The following KIAA1217 variants were observed in gnomAD, a reference collection of about 807,000 sequenced individuals.
KIAA1217 encodes the protein KIAA1217.
KIAA1217 carries 88 observed loss-of-function variants against 163.9 expected under a neutral mutation model. That is an observed-to-expected ratio of 0.54 (90% CI 0.45 to 0.64). The LOEUF is 0.64. Among genes scored for constraint, KIAA1217 ranks in the 30% least tolerant of loss-of-function variants. KIAA1217 has a pLI of 0.00. For synonymous variants in KIAA1217, 903 were observed against 923.1 expected, an observed-to-expected ratio of 0.98 and a Z score of 0.39; for missense variants, 2,372 against 2,475.0, an observed-to-expected ratio of 0.96 and a Z score of 0.88.
chr10:24,068,564 C>T (rs79893607), intron 2 of KIAA1217, among the ~76,000 whole-genome samples: 1 of 152,128 alleles, frequency 6.6e-6, no homozygotes, highest in Admixed American at 6.5e-5. Context: ...GTAGAAAAAA[C>T]TACCACTTTG....
intron 3 of KIAA1217, among the ~76,000 whole-genome samples, chr10:24,420,796 T>C (rs1318024469): frequency 6.6e-6 from 1 of 152,208 alleles, no homozygotes; most frequent in Non-Finnish European, 1.5e-5. Context: ...TATGGGTTTG[T>C]ATGACCTCTT....
chr10:24,132,215 C>T (rs2063679107), intron 2 of KIAA1217, among the ~76,000 whole-genome samples: 1 of 152,152 alleles, frequency 6.6e-6, no homozygotes, highest in South Asian at 2.1e-4. Flanking sequence ...AACTCAGTCA[C>T]ACAGTCCCAC....
chr10:24,281,423 C>T (rs1361607348), intron 2 of KIAA1217, among the ~76,000 whole-genome samples: 1 of 152,176 alleles, frequency 6.6e-6, no homozygotes, highest in African/African-American at 2.4e-5. Flanking sequence ...TTTTGTCTTA[C>T]AGAAATAGTT....
chr10:23,998,000 C>G (rs1185926775), intron 1 of KIAA1217, among the ~76,000 whole-genome samples: 1 of 151,174 alleles, frequency 6.6e-6, no homozygotes, highest in Non-Finnish European at 1.5e-5. Flanking sequence ...TTTTTCCCCC[C>G]AAAACTAATC....
chr10:24,426,051 G>C (rs918201751), intron 3 of KIAA1217, among the ~76,000 whole-genome samples: 1 of 152,172 alleles, frequency 6.6e-6, no homozygotes, highest in Non-Finnish European at 1.5e-5. Flanking sequence ...ATTGCAGATG[G>C]TGATCTGCAT....
chr10:24,152,171 C>T (rs1221527910), intron 2 of KIAA1217, among the ~76,000 whole-genome samples: 1 of 152,114 alleles, frequency 6.6e-6, no homozygotes, highest in East Asian at 1.9e-4. Flanking sequence ...TTCTGTAGCT[C>T]AGCATTTAGT....
At chr10:24,349,305 G>A (rs899395222) in intron 2 of KIAA1217, among the ~76,000 whole-genome samples, 4 of 152,156 alleles carry the variant, frequency 2.6e-5, no homozygotes, top group African/African-American at 9.7e-5. Context: ...GAACCAATGT[G>A]TAATATAGAA....
chr10:23,906,794 G>A (rs73604432), intron 1 of KIAA1217, among the ~76,000 whole-genome samples: 14,008 of 152,018 alleles, frequency 0.092, 2,151 homozygotes, highest in African/African-American at 0.32. Flanking sequence ...TCTTCCTGTC[G>A]GGCTGATGTA....
At chr10:24,398,187 G>A (rs545570087) in intron 3 of KIAA1217, among the ~76,000 whole-genome samples, 1 of 152,240 alleles carries the variant, frequency 6.6e-6, no homozygotes, top group Admixed American at 6.5e-5. Flanking sequence ...ATTCTATACT[G>A]TATTTTTACC....
chr10:23,872,131 T>C (rs900051597), intron 1 of KIAA1217, among the ~76,000 whole-genome samples: 1 of 152,078 alleles, frequency 6.6e-6, no homozygotes, highest in Non-Finnish European at 1.5e-5. Flanking sequence ...CAAGTATTTG[T>C]GGTCAGAAAT....
intron 1 of KIAA1217, among the ~76,000 whole-genome samples, chr10:23,871,075 T>C (rs1840435119): frequency 6.6e-6 from 1 of 151,918 alleles, no homozygotes; most frequent in Admixed American, 6.6e-5. Flanking sequence ...TATTGTTTTC[T>C]GTATCTTAGA....
chr10:24,285,997 A>G (rs539641032), intron 2 of KIAA1217, among the ~76,000 whole-genome samples: 30 of 152,160 alleles, frequency 2.0e-4, no homozygotes, highest in African/African-American at 6.5e-4. Flanking sequence ...AGCATTCTTC[A>G]TTTGGCTCTC....
At chr10:23,708,507 G>A (rs1837031342) in intron 1 of KIAA1217, among the ~76,000 whole-genome samples, 1 of 152,116 alleles carries the variant, frequency 6.6e-6, no homozygotes, top group Non-Finnish European at 1.5e-5. Context: ...GCTTCCTTTT[G>A]AGTGCTCTTT....
At chr10:23,819,972 C>A (rs1837543757) in intron 1 of KIAA1217, among the ~76,000 whole-genome samples, 1 of 152,094 alleles carries the variant, frequency 6.6e-6, no homozygotes, top group Non-Finnish European at 1.5e-5. Flanking sequence ...TATGATAGTG[C>A]CTATTTCTTT....
chr10:23,739,530 C>T (rs922515499), intron 1 of KIAA1217, among the ~76,000 whole-genome samples: 5 of 151,936 alleles, frequency 3.3e-5, no homozygotes, highest in African/African-American at 4.8e-5. Context: ...GCAGAACAAG[C>T]GAGGGAGGGT....
rs116726887 is a variant in KIAA1217 at position 23,908,331 on chromosome 10, G to A, written c.-320-98894G>A. Among the ~76,000 whole-genome samples, 625 of 151,918 alleles carry A rather than the reference G, an allele frequency of 4.1e-3. 4 individuals carry two copies. Among genetic ancestry groups the A allele is most frequent in the African/African-American group, 0.015 (611 of 41,434 alleles). ...TTGGATTTCATCCTCTTAGCTATGCGTCCTCCAGTTTCCAGGCTAATACTT... is the reference window on the plus strand; with the variant it reads ...TTGGATTTCATCCTCTTAGCTATGCATCCTCCAGTTTCCAGGCTAATACTT... On this transcript the variant is annotated intron_variant, in intron 1 of 18. Coordinates refer to the KIAA1217 transcript ENST00000376462.
intron 1 of KIAA1217, among the ~76,000 whole-genome samples, chr10:23,708,008 C>A (rs942833970): frequency 6.6e-6 from 1 of 152,128 alleles, no homozygotes; most frequent in African/African-American, 2.4e-5. Flanking sequence ...TAAAGACATA[C>A]CTGAGACTGG....
At chr10:24,525,518 C>G (rs1446121048) in intron 13 of KIAA1217, among the ~76,000 whole-genome samples, 2 of 152,170 alleles carry the variant, frequency 1.3e-5, no homozygotes, top group African/African-American at 4.8e-5. Context: ...AATGCTGCAG[C>G]TCTAATCCGT....
At chr10:23,852,372 A>C (rs950454673) in intron 1 of KIAA1217, among the ~76,000 whole-genome samples, 3 of 152,134 alleles carry the variant, frequency 2.0e-5, no homozygotes. Context: ...CCATTGATCT[A>C]TATCTCTGTT....
Sources: gnomAD v4.1 joint callset for allele counts (sites outside exome capture counted in the v4.1 genomes callset) on GRCh38, gnomAD v4.1.1 for gene constraint, MANE v1.5 for transcripts, NCBI Gene and HGNC (gene_info 2026-07-23, HGNC 2026-07-21) for gene names.